The following CALN1 variants were observed in gnomAD, a reference collection of about 807,000 sequenced individuals.
CALN1 encodes the protein calneuron 1, also known as calcium-binding protein 8.
CALN1 carries 17 observed loss-of-function variants against 30.6 expected under a neutral mutation model. That is an observed-to-expected ratio of 0.56 (90% CI 0.38 to 0.83). The LOEUF (loss-of-function observed/expected upper bound fraction) is 0.83. CALN1 is among the 40% of genes least tolerant of loss of function. CALN1 has a pLI of 0.00. For missense variants in CALN1, 291 were observed against 354.9 expected (o/e 0.82, Z 1.45); for synonymous variants, 156 against 131.4 (o/e 1.19, Z -1.28).
rs185452388 is a variant in CALN1, at chr7:72,292,085, G to A, written c.120-13275C>T. 6.2e-3 allele frequency among the ~76,000 whole-genome samples: 936 copies of A among 151,822 alleles called. 21 individuals carry two copies. The highest frequency in any genetic ancestry group is 0.021 in the African/African-American group (887 of 41,352). On this transcript the variant is annotated intron_variant, in intron 2 of 6. Transcript: ENST00000395275. ...ATGAATAGTAAGTTGCTACTAGGTT[G>A]TACAAGAATAATTGCAGTTATTGCC...
rs1016061451 is a variant in CALN1, at chr7:71,910,969, A to G, written c.502-100477T>C. Among the ~76,000 whole-genome samples the G allele has an allele frequency of 2.6e-5, 4 of 152,168 alleles. No homozygotes were observed. The East Asian group carries it at 7.7e-4, about 29-fold the overall frequency. ...AGCAATTTGCTAGGTGCTCTGAGAT[A>G]TACACACAGGTATGAACTTGTAGGG... is the stretch of plus-strand genomic sequence containing the variant. On this transcript the variant is annotated intron_variant, in intron 5 of 6. Transcript: ENST00000395275.
intron 4 of CALN1, among the ~76,000 whole-genome samples, chr7:72,066,783 TTTTA>T (rs1804050973): frequency 1.3e-5 from 2 of 149,674 alleles, no homozygotes; most frequent in Admixed American, 6.6e-5. Flanking sequence ...AGCTATTTTA[TTTTA>T]TTTTTTTTTT....
chr7:72,337,114 C>G, intron 2 of CALN1: 1 of 985,944 alleles, frequency 1.0e-6, no homozygotes. Context: ...CGCTGCGCCC[C>G]GGAGCCCAGT....
intron 1 of CALN1, among the ~76,000 whole-genome samples, chr7:72,420,063 G>A (rs7808480): frequency 0.02 from 3,095 of 152,244 alleles, 47 homozygotes; most frequent in Non-Finnish European, 0.032. Context: ...GACCCTTCAC[G>A]GAGCCGTTAA....
intron 3 of CALN1, among the ~76,000 whole-genome samples, chr7:72,195,922 A>T (rs1179968666): frequency 6.6e-6 from 1 of 152,222 alleles, no homozygotes; most frequent in Non-Finnish European, 1.5e-5. Flanking sequence ...TGAGGTACTG[A>T]TACATGCTAC....
At chr7:72,458,202 TA>T in the CALN1 span, among the ~76,000 whole-genome samples, 7 of 117,996 alleles carry the variant, frequency 5.9e-5, no homozygotes, top group South Asian at 4.6e-4. Flanking sequence ...TTATAATATA[TA>T]ATATATTTTA....
At chr7:72,092,116 T>C (rs1805903608) in intron 4 of CALN1, among the ~76,000 whole-genome samples, 2 of 152,230 alleles carry the variant, frequency 1.3e-5, no homozygotes, top group African/African-American at 4.8e-5. Context: ...AATGCTTTCC[T>C]TCTTAATTAA....
At chr7:72,231,989 G>C (rs1794137166) in intron 3 of CALN1, among the ~76,000 whole-genome samples, 1 of 152,224 alleles carries the variant, frequency 6.6e-6, no homozygotes, top group South Asian at 2.1e-4. Context: ...TTGAGAAGGA[G>C]CCTGACAGGT....
chr7:71,970,555 T>C (rs190295611), intron 5 of CALN1, among the ~76,000 whole-genome samples: 98 of 152,282 alleles, frequency 6.4e-4, no homozygotes, highest in African/African-American at 2.3e-3. Flanking sequence ...GCAACTAGGC[T>C]TTTTGGGACT....
At chr7:71,973,006 C>T (rs906164183) in intron 5 of CALN1, among the ~76,000 whole-genome samples, 2 of 151,898 alleles carry the variant, frequency 1.3e-5, no homozygotes, top group Admixed American at 6.6e-5. Context: ...CTCCAAAGCC[C>T]TCACACCATC....
the CALN1 span, among the ~76,000 whole-genome samples, chr7:72,486,361 C>G: frequency 1.3e-5 from 2 of 151,898 alleles, no homozygotes; most frequent in Non-Finnish European, 2.9e-5. Context: ...ATATCATACC[C>G]TTTTTTACAA....
chr7:72,389,090 C>T (rs1037446505), intron 2 of CALN1, among the ~76,000 whole-genome samples: 1 of 152,168 alleles, frequency 6.6e-6, no homozygotes, highest in African/African-American at 2.4e-5. Flanking sequence ...TACCTTGTTG[C>T]GCTCTCTACT....
chr7:72,367,259 G>C (rs760133222), intron 2 of CALN1, among the ~76,000 whole-genome samples: 3 of 152,218 alleles, frequency 2.0e-5, no homozygotes, highest in Non-Finnish European at 4.4e-5. Context: ...GGCTGAGGCA[G>C]GAGGACTGCT....
At chr7:71,788,491 G>GT (rs1298189911) in intron 6 of CALN1, among the ~76,000 whole-genome samples, 3,863 of 126,800 alleles carry the variant, frequency 0.03, 86 homozygotes, top group South Asian at 0.092. Flanking sequence ...TTTTTTTGTT[G>GT]TTTTTTTTTT....
At chr7:71,959,682 G>A (rs1340021327) in intron 5 of CALN1, among the ~76,000 whole-genome samples, 1 of 151,310 alleles carries the variant, frequency 6.6e-6, no homozygotes. Flanking sequence ...GCAAAGGTGA[G>A]ACACGATGGT....
chr7:72,418,002 C>T (rs936703134), intron 1 of CALN1, among the ~76,000 whole-genome samples: 2 of 152,072 alleles, frequency 1.3e-5, no homozygotes, highest in African/African-American at 2.4e-5. Context: ...GTACATGTGC[C>T]GGTTGGTTAA....
At chr7:72,318,886 G>A (rs1252892589) in intron 2 of CALN1, among the ~76,000 whole-genome samples, 3 of 151,578 alleles carry the variant, frequency 2.0e-5, no homozygotes, top group Non-Finnish European at 4.4e-5. Flanking sequence ...AAAGATGCTG[G>A]CAAGGATGTG....
intron 1 of CALN1, among the ~76,000 whole-genome samples, chr7:72,405,198 G>GT (rs899429909): frequency 6.6e-6 from 1 of 152,176 alleles, no homozygotes; most frequent in African/African-American, 2.4e-5. Flanking sequence ...CTTAAAGAGA[G>GT]TAAGTGTCTC....
intron 3 of CALN1, among the ~76,000 whole-genome samples, chr7:72,130,066 C>G (rs1809032506): frequency 6.6e-6 from 1 of 152,122 alleles, no homozygotes; most frequent in African/African-American, 2.4e-5. Flanking sequence ...AACACTCCCC[C>G]ACCCCCCACC....
Sources: gnomAD v4.1 joint callset for allele counts (sites outside exome capture counted in the v4.1 genomes callset) on GRCh38, gnomAD v4.1.1 for gene constraint, MANE v1.5 for transcripts, NCBI Gene and HGNC (gene_info 2026-07-23, HGNC 2026-07-21) for gene names.